LSP1: variants seen among roughly 807,000 people sequenced by gnomAD.
LSP1 encodes lymphocyte specific protein 1, also known as lymphocyte-specific protein 1.
In LSP1, 32 loss-of-function variants were observed where a neutral mutation model predicts 49.3. That is an observed-to-expected ratio of 0.65 (90% CI 0.49 to 0.87). The LOEUF is 0.87. Among genes scored for constraint, LSP1 ranks in the 40% least tolerant of loss-of-function variants. The pLI, the probability that LSP1 is intolerant of heterozygous loss-of-function variation, is 0.00. For missense variants in LSP1, 428 were observed against 442.6 expected, an observed-to-expected ratio of 0.97 and a Z score of 0.30; for synonymous variants, 179 against 178.8, an observed-to-expected ratio of 1.00 and a Z score of -0.01.
intron 9 of LSP1, 48 bp from the exon 10 acceptor site, chr11:1,887,426 C>T (rs879090185): frequency 1.3e-6 from 2 of 1,578,366 alleles, no homozygotes; most frequent in South Asian, 2.2e-5. Context: ...GCAGCATCAT[C>T]TCCTTTCTGC....
intron 1 of LSP1, among the ~76,000 whole-genome samples, chr11:1,856,000 G>T (rs932783108): frequency 6.6e-6 from 1 of 152,156 alleles, no homozygotes; most frequent in South Asian, 2.1e-4. Context: ...GCTCTGCAGG[G>T]GTGTACCCTC....
intron 10 of LSP1, chr11:1,890,584 T>C (rs1044251077): frequency 3.4e-5 from 24 of 706,564 alleles, no homozygotes; most frequent in South Asian, 2.8e-4. Flanking sequence ...GATATGAGCA[T>C]GACTGTGTCC....
At chr11:1,891,441 GCCT>G (rs1335239518) in intron 10 of LSP1, 3 of 152,326 alleles carry the variant, frequency 2.0e-5, no homozygotes, top group African/African-American at 7.2e-5. Flanking sequence ...TCAGCTACCG[GCCT>G]CCTCTGGATG....
chr11:1,866,575 A>C (rs1194011645), intron 1 of LSP1: 12 of 1,549,016 alleles, frequency 7.7e-6, no homozygotes, highest in African/African-American at 1.4e-5. Context: ...GGCACACCTC[A>C]TCCCAGCCTC....
At position 1,883,282 on chromosome 11, in the gene LSP1, G is replaced by A. The variant is rs1004640359; in HGVS notation, c.357-137G>A. On this transcript the variant is annotated intron_variant, in intron 3 of 10. Transcript: ENST00000311604. ...GGACCTTCTTTCCCAATGGGCTTGG[G>A]TCTCAGATCCCTTGGCACTCAAGTA... 4.6e-6 allele frequency: 5 copies of A among 1,088,278 alleles called. No individual in the cohort carries two copies. The African/African-American group carries it at 4.7e-5, about 10-fold the overall frequency. The allele number at this position is 1,088,278 out of a possible 1,614,324, so 67.4% of individuals were successfully genotyped here.
intron 1 of LSP1, chr11:1,863,294 C>T (rs1847690090): frequency 6.6e-6 from 1 of 152,296 alleles, no homozygotes; most frequent in Non-Finnish European, 1.5e-5. Context: ...CTGCGCAACC[C>T]CAACTCCCTG....
chr11:1,856,688 C>T (rs930316970), intron 1 of LSP1, among the ~76,000 whole-genome samples: 7 of 152,204 alleles, frequency 4.6e-5, no homozygotes, highest in Non-Finnish European at 8.8e-5. Flanking sequence ...TGGAGGCCCC[C>T]GGCAGCCCCC....
chr11:1,876,219 G>A (rs1173479357), intron 1 of LSP1, among the ~76,000 whole-genome samples: 1 of 152,186 alleles, frequency 6.6e-6, no homozygotes, highest in Non-Finnish European at 1.5e-5. Context: ...CCCGGCACAC[G>A]GTGCTGTGTC....
At chr11:1,871,830 C>A (rs1307220781) in intron 1 of LSP1, among the ~76,000 whole-genome samples, 79 of 98,378 alleles carry the variant, frequency 8.0e-4, no homozygotes, top group African/African-American at 3.1e-3. Flanking sequence ...ACTTTTGGGA[C>A]GGGGTGTGTG....
chr11:1,888,908 C>T, intron 10 of LSP1: 1 of 463,176 alleles, frequency 2.2e-6, no homozygotes, highest in Non-Finnish European at 3.8e-6. Flanking sequence ...CTGTTCCCCT[C>T]ACACCACTGC....
chr11:1,884,689 A>G lies in LSP1; in HGVS notation c.717+108A>G. 1.2e-6 allele frequency: 1 copy of G among 837,930 alleles called. No individual in the cohort carries two copies. The highest frequency in any genetic ancestry group is 1.9e-6 in the Non-Finnish European group (1 of 516,976). 51.9% of individuals were successfully genotyped at this position (837,930 alleles called of 1,614,324 possible). A position where few individuals can be genotyped will look rare whatever the true frequency, so the allele number is the denominator to read the frequency against. ...ATCAGTGCCGCCTTATTCAACCAAC[A>G]CCCTATCCAACCAATGCTTCTCCAT... On this transcript the variant is annotated intron_variant, in intron 7 of 10. Coordinates refer to ENST00000311604, the MANE Select transcript of LSP1 (RefSeq NM_002339.3). This position sits in a 1 kb window ranked among gnomAD's most constrained non-coding sequence, Gnocchi z 4.1.
At chr11:1,860,999 AAGAT>A (rs1470771024) in intron 1 of LSP1, among the ~76,000 whole-genome samples, 5 of 152,304 alleles carry the variant, frequency 3.3e-5, no homozygotes, top group East Asian at 1.9e-4. Context: ...GATGAGTAGA[AAGAT>A]AGATAGATAA....
At chr11:1,859,245 C>T (rs182509849) in intron 1 of LSP1, among the ~76,000 whole-genome samples, 1 of 152,272 alleles carries the variant, frequency 6.6e-6, no homozygotes, top group East Asian at 1.9e-4. Context: ...GTCCAGGATA[C>T]TCTGTCCACT....
chr11:1,865,119 C>A, intron 1 of LSP1: 1 of 835,632 alleles, frequency 1.2e-6, no homozygotes. Context: ...AGAGGAGGGC[C>A]AGCAGGACAG....
intron 7 of LSP1, 79 bp from the exon 8 acceptor site, chr11:1,886,653 C>G: frequency 1.4e-6 from 2 of 1,444,938 alleles, no homozygotes; most frequent in Non-Finnish European, 1.9e-6. Context: ...ACAAAGCAGA[C>G]GGTTGCCCAG....
In LSP1 at chr11:1,884,651, G is replaced by T; in HGVS notation, c.717+70G>T. On this transcript the variant is annotated intron_variant, in intron 7 of 10. Transcript: ENST00000311604. This position sits in a 1 kb window ranked among gnomAD's most constrained non-coding sequence, Gnocchi z 4.1. The stretch of plus-strand genomic sequence containing the variant: ...GGCACCATTCCTTCATCCAACCAAC[G>T]CCCTTCCATCCAATCAGTGCCGCCT... The T allele has an allele frequency of 1.5e-6, 2 of 1,350,412 alleles. No individual in the cohort carries two copies. The highest frequency in any genetic ancestry group is 2.1e-6 in the Non-Finnish European group (2 of 949,350). The allele number at this position is 1,350,412 out of a possible 1,614,324, so 83.7% of individuals were successfully genotyped here. A position where few individuals can be genotyped will look rare whatever the true frequency, so the allele number is the denominator to read the frequency against.
chr11:1,854,956 C>T (rs10839819), intron 1 of LSP1, among the ~76,000 whole-genome samples: 52,599 of 151,992 alleles, frequency 0.35, 9,349 homozygotes, highest in East Asian at 0.53. Flanking sequence ...GGGGTTGGAG[C>T]GGGCATGGCC....
rs1394731340 is a variant in LSP1 at position 1,853,204 on chromosome 11, G to A, written c.53+7G>A. On this transcript the variant is annotated splice_region_variant and intron_variant, in intron 1 of 10. Transcript: ENST00000311604. Reference sequence around the variant, plus strand: ...AGCGGGAAGAGTTGCTGGGGTAAGGGTCTGCGGCGACGCCCGGCGCCCTGT... The same window carrying A: ...AGCGGGAAGAGTTGCTGGGGTAAGGATCTGCGGCGACGCCCGGCGCCCTGT... 3.7e-6 allele frequency: 6 copies of A among 1,608,546 alleles called. No individual in the cohort carries two copies. Among genetic ancestry groups the A allele is most frequent in the Non-Finnish European group, 5.1e-6 (6 of 1,178,852 alleles).
intron 1 of LSP1, among the ~76,000 whole-genome samples, chr11:1,855,950 C>T (rs956287573): frequency 6.6e-6 from 1 of 152,206 alleles, no homozygotes; most frequent in Non-Finnish European, 1.5e-5. Flanking sequence ...AGGTTGCCCT[C>T]TCAGACCTTG....
Sources: allele counts gnomAD v4.1 joint callset (sites outside exome capture counted in the v4.1 genomes callset), GRCh38; gene constraint gnomAD v4.1.1; non-coding constraint Gnocchi (gnomAD v3.1); transcripts MANE v1.5; gene names NCBI Gene and HGNC (gene_info 2026-07-23, HGNC 2026-07-21).